DOCK2: variants seen among roughly 807,000 people sequenced by gnomAD.
DOCK2 encodes the protein dedicator of cytokinesis 2, also known as dedicator of cytokinesis protein 2.
A neutral mutation model predicts 248.9 loss-of-function variants in DOCK2; 87 were observed. That is an observed-to-expected ratio of 0.35 (90% CI 0.29 to 0.42). The LOEUF (loss-of-function observed/expected upper bound fraction) is 0.42, where lower values mean the gene tolerates loss of function less well. Ranked by LOEUF, DOCK2 falls within the 10% of genes least tolerant of loss-of-function variation. The pLI is 1.00. For synonymous variants in DOCK2, 805 were observed against 821.6 expected (o/e 0.98, Z 0.35); for missense variants, 1,747 against 2,300.2 (o/e 0.76, Z 4.92).
At chr5:169,733,160 T>C (rs1410045347) in intron 22 of DOCK2, among the ~76,000 whole-genome samples, 1 of 152,148 alleles carries the variant, frequency 6.6e-6, no homozygotes, top group Non-Finnish European at 1.5e-5. Context: ...TTTCTTTTTT[T>C]GGGATTGTTT....
intron 27 of DOCK2, among the ~76,000 whole-genome samples, chr5:169,877,193 G>A (rs965136702): frequency 2.0e-5 from 3 of 152,214 alleles, no homozygotes; most frequent in African/African-American, 7.2e-5. Context: ...ACCACCAGCT[G>A]AGCACCTAGT....
At chr5:169,989,108 C>T (rs1202286142) in intron 29 of DOCK2, among the ~76,000 whole-genome samples, 1 of 152,068 alleles carries the variant, frequency 6.6e-6, no homozygotes, top group Non-Finnish European at 1.5e-5. Context: ...CATTAGTCAT[C>T]TATTATTTAC....
intron 25 of DOCK2, among the ~76,000 whole-genome samples, chr5:169,790,923 A>T: frequency 6.6e-6 from 1 of 152,138 alleles, no homozygotes; most frequent in Admixed American, 6.5e-5. Context: ...TTCCTCTATG[A>T]TTAGGTAAAA....
intron 9 of DOCK2, among the ~76,000 whole-genome samples, chr5:169,689,960 G>A (rs1760197783): frequency 6.6e-6 from 1 of 152,132 alleles, no homozygotes; most frequent in Non-Finnish European, 1.5e-5. Context: ...TCTGAATAGG[G>A]GAAACAAGGG....
At chr5:169,845,052 A>C (rs1020872914) in intron 27 of DOCK2, among the ~76,000 whole-genome samples, 1 of 151,474 alleles carries the variant, frequency 6.6e-6, no homozygotes, top group Non-Finnish European at 1.5e-5. Context: ...GATGTCTCTC[A>C]GGAATCTCAA....
intron 50 of DOCK2, chr5:170,081,481 A>C: frequency 4.6e-6 from 1 of 219,096 alleles, no homozygotes; most frequent in Non-Finnish European, 9.1e-6. Flanking sequence ...GTCTCCTGCA[A>C]TGGGGAGAGA....
At chr5:170,021,414 A>G (rs1030835057) in intron 33 of DOCK2, among the ~76,000 whole-genome samples, 1 of 152,200 alleles carries the variant, frequency 6.6e-6, no homozygotes, top group Non-Finnish European at 1.5e-5. Flanking sequence ...CAAAAGAAAC[A>G]CACCAAGTGC....
chr5:169,788,258 C>CA (rs1766111459), intron 25 of DOCK2, among the ~76,000 whole-genome samples: 1 of 152,170 alleles, frequency 6.6e-6, no homozygotes, highest in African/African-American at 2.4e-5. Flanking sequence ...TGGCATTTGG[C>CA]AGACGCTTGA....
chr5:169,738,519 C>T (rs1409977597), intron 22 of DOCK2, among the ~76,000 whole-genome samples: 1 of 152,152 alleles, frequency 6.6e-6, no homozygotes, highest in Non-Finnish European at 1.5e-5. Context: ...CCAGTGGGGC[C>T]TTTAGGCTGT....
At chr5:169,676,803 C>T (rs115839288) in intron 6 of DOCK2, among the ~76,000 whole-genome samples, 1,987 of 152,268 alleles carry the variant, frequency 0.013, 25 homozygotes, top group African/African-American at 0.025. Flanking sequence ...TTCCTTCATT[C>T]AGATATCAAA....
At chr5:169,924,800 A>G (rs566035686) in intron 27 of DOCK2, among the ~76,000 whole-genome samples, 1 of 152,174 alleles carries the variant, frequency 6.6e-6, no homozygotes, top group South Asian at 2.1e-4. Context: ...GTATCCTGGG[A>G]CGCTCTTTGG....
intron 25 of DOCK2, 75 bp from the exon 26 acceptor site, chr5:169,802,983 A>G (rs530758367): frequency 5.2e-5 from 78 of 1,508,012 alleles, no homozygotes; most frequent in Non-Finnish European, 6.6e-5. Flanking sequence ...TTAATGAAAC[A>G]TTGTATGCAT....
intron 44 of DOCK2, among the ~76,000 whole-genome samples, chr5:170,067,160 A>G (rs1757520720): frequency 6.6e-6 from 1 of 152,170 alleles, no homozygotes; most frequent in Non-Finnish European, 1.5e-5. Flanking sequence ...CTGGCCAATA[A>G]CTCACACATA....
chr5:170,051,851 G>T (rs1418173475), intron 41 of DOCK2, among the ~76,000 whole-genome samples: 1 of 152,206 alleles, frequency 6.6e-6, no homozygotes, highest in Non-Finnish European at 1.5e-5. Flanking sequence ...GAGGAAGGAG[G>T]CAGAGAAGTA....
At position 169,718,003 on chromosome 5, in the gene DOCK2, A is replaced by G. The variant is rs1241308898; in HGVS notation, c.2132+519A>G. ...CTTGAACCCTGGAGGTGGAGATTGC[A>G]TTGTGCAGAGATCACACCACTGCAC... On this transcript the variant is annotated intron_variant, in intron 21 of 51. Transcript: ENST00000520908. 3.3e-5 allele frequency among the ~76,000 whole-genome samples: 5 copies of G among 152,264 alleles called. No homozygotes were observed. In the South Asian group the frequency reaches 1.0e-3, roughly 32 times the overall value.
chr5:170,014,651 T>G (rs1755444043), intron 32 of DOCK2, among the ~76,000 whole-genome samples: 1 of 75,690 alleles, frequency 1.3e-5, no homozygotes. Flanking sequence ...GGGGGTAGAC[T>G]ATGGAGGGGG....
chr5:170,032,143 C>T (rs555428100), intron 34 of DOCK2, among the ~76,000 whole-genome samples: 1 of 152,140 alleles, frequency 6.6e-6, no homozygotes, highest in Admixed American at 6.5e-5. Flanking sequence ...TCTCCTGCCT[C>T]AGCCTCCCAA....
chr5:169,654,643 G>T (rs1383908474), intron 2 of DOCK2, among the ~76,000 whole-genome samples, 157 bp downstream of exon 2: 1 of 152,200 alleles, frequency 6.6e-6, no homozygotes, highest in Non-Finnish European at 1.5e-5. Flanking sequence ...AAACAGAAAT[G>T]CTTTCTCATT....
At chr5:169,723,990 G>GA (rs1464459881) in intron 22 of DOCK2, among the ~76,000 whole-genome samples, 1 of 152,188 alleles carries the variant, frequency 6.6e-6, no homozygotes, top group East Asian at 1.9e-4. Context: ...CAAAGAAGGA[G>GA]ACTGAGGCTT....
Sources: allele counts gnomAD v4.1 joint callset (sites outside exome capture counted in the v4.1 genomes callset), GRCh38; gene constraint gnomAD v4.1.1; transcripts MANE v1.5; gene names NCBI Gene and HGNC (gene_info 2026-07-23, HGNC 2026-07-21).